MAGI1: variants seen among roughly 807,000 people sequenced by gnomAD.
MAGI1 encodes membrane-associated guanylate kinase, WW and PDZ domain-containing protein 1.
Under a neutral mutation model 139.9 loss-of-function variants are expected in MAGI1, and 58 were observed. The ratio of observed to expected loss-of-function variants is 0.41; its 90% CI spans 0.34 to 0.52. The LOEUF (loss-of-function observed/expected upper bound fraction) is 0.52, where lower values mean the gene tolerates loss of function less well. Ranked by LOEUF, MAGI1 falls within the 20% of genes least tolerant of loss-of-function variation. The probability of loss-of-function intolerance (pLI) is 0.12; values close to 1 mark genes in which losing one functional copy is unlikely to be tolerated. For synonymous variants in MAGI1, 812 were observed against 737.9 expected (o/e 1.10, Z -1.63); for missense variants, 1,874 against 1,901.6 (o/e 0.99, Z 0.27).
intron 15 of MAGI1, among the ~76,000 whole-genome samples, chr3:65,383,217 C>G (rs1396675300): frequency 6.6e-6 from 1 of 152,178 alleles, no homozygotes; most frequent in East Asian, 1.9e-4. Flanking sequence ...AAGGACCAGG[C>G]CACTGTGATA....
At chr3:65,723,380 G>C (rs1214501701) in intron 1 of MAGI1, among the ~76,000 whole-genome samples, 1 of 152,142 alleles carries the variant, frequency 6.6e-6, no homozygotes, top group African/African-American at 2.4e-5. Flanking sequence ...TATCTGGAAG[G>C]TGTTAAGAGT....
At chr3:65,409,401 G>A (rs755196730) in intron 12 of MAGI1, among the ~76,000 whole-genome samples, 1 of 152,232 alleles carries the variant, frequency 6.6e-6, no homozygotes, top group East Asian at 1.9e-4. Context: ...GCATTTAATC[G>A]TGGGGTGGGG....
intron 1 of MAGI1, among the ~76,000 whole-genome samples, chr3:65,833,909 A>G (rs779655025): frequency 1.1e-4 from 17 of 152,232 alleles, no homozygotes; most frequent in Non-Finnish European, 1.6e-4. Context: ...CAAGCTCCCC[A>G]GTGGCTTTCT....
intron 12 of MAGI1, 31 bp downstream of exon 12, chr3:65,429,489 A>G (rs1947322625): frequency 6.5e-7 from 1 of 1,547,682 alleles, no homozygotes; most frequent in Non-Finnish European, 8.7e-7. Flanking sequence ...GGATAAAAAA[A>G]AAATTCAAAG....
chr3:66,006,896 T>C (rs961683239), intron 1 of MAGI1, among the ~76,000 whole-genome samples: 4 of 152,136 alleles, frequency 2.6e-5, no homozygotes, highest in African/African-American at 9.7e-5. Context: ...AGTAGCTCAA[T>C]CATAGCTCAC....
At chr3:65,441,684 G>A (rs190080473) in intron 8 of MAGI1, among the ~76,000 whole-genome samples, 1 of 152,236 alleles carries the variant, frequency 6.6e-6, no homozygotes, top group Non-Finnish European at 1.5e-5. Flanking sequence ...GATCTTTGGG[G>A]CACACAAAAG....
intron 2 of MAGI1, among the ~76,000 whole-genome samples, chr3:65,534,160 A>C (rs1291073316): frequency 1.3e-5 from 2 of 152,166 alleles, no homozygotes; most frequent in Non-Finnish European, 2.9e-5. Flanking sequence ...GTGTTTCTAC[A>C]GCATGATCAC....
intron 7 of MAGI1, among the ~76,000 whole-genome samples, chr3:65,447,776 TC>T (rs1948766200): frequency 1.3e-5 from 2 of 152,220 alleles, no homozygotes; most frequent in Non-Finnish European, 2.9e-5. Flanking sequence ...ATTTGCTAAC[TC>T]TCGTTCTAGT....
At chr3:65,778,429 T>TAAAA in intron 1 of MAGI1, among the ~76,000 whole-genome samples, 1 of 22,144 alleles carries the variant, frequency 4.5e-5, no homozygotes, top group African/African-American at 1.9e-4. Context: ...AAACTCTGTC[T>TAAAA]CAAAAAAAAA....
At chr3:65,485,164 T>G (rs1951549970) in intron 3 of MAGI1, among the ~76,000 whole-genome samples, 1 of 152,154 alleles carries the variant, frequency 6.6e-6, no homozygotes, top group South Asian at 2.1e-4. Context: ...TCAATTACAT[T>G]TGAATTACCA....
At chr3:66,027,028 G>C (rs994391031) in intron 1 of MAGI1, among the ~76,000 whole-genome samples, 18 of 151,656 alleles carry the variant, frequency 1.2e-4, no homozygotes, top group African/African-American at 4.4e-4. Flanking sequence ...CCAGCACTTT[G>C]GGAGGCCGAG....
At chr3:65,738,874 G>A (rs879726849) in intron 1 of MAGI1, among the ~76,000 whole-genome samples, 1 of 152,162 alleles carries the variant, frequency 6.6e-6, no homozygotes, top group Non-Finnish European at 1.5e-5. Context: ...TCCATATATA[G>A]AGCACAGGCA....
At chr3:66,007,367 A>C (rs2067080635) in intron 1 of MAGI1, among the ~76,000 whole-genome samples, 1 of 152,210 alleles carries the variant, frequency 6.6e-6, no homozygotes, top group Non-Finnish European at 1.5e-5. Context: ...ATCAAGTTGT[A>C]AACAGAAGAA....
At chr3:65,722,196 T>G (rs1329663624) in intron 1 of MAGI1, among the ~76,000 whole-genome samples, 1 of 152,212 alleles carries the variant, frequency 6.6e-6, no homozygotes, top group Non-Finnish European at 1.5e-5. Flanking sequence ...ATCAGGAAAC[T>G]AAACTTAGTA....
intron 1 of MAGI1, among the ~76,000 whole-genome samples, chr3:66,036,828 G>A (rs1318957343): frequency 1.3e-5 from 2 of 152,122 alleles, no homozygotes; most frequent in African/African-American, 4.8e-5. Context: ...CTGCGTCATG[G>A]CACTTGCTTG....
chr3:65,856,828 C>G (rs2059391774), intron 1 of MAGI1, among the ~76,000 whole-genome samples: 1 of 152,202 alleles, frequency 6.6e-6, no homozygotes, highest in African/African-American at 2.4e-5. Context: ...ACTAACAGGA[C>G]CTTGCCTCTC....
intron 1 of MAGI1, among the ~76,000 whole-genome samples, chr3:65,665,432 C>A (rs1344567041): frequency 6.6e-6 from 1 of 152,170 alleles, no homozygotes; most frequent in Non-Finnish European, 1.5e-5. Context: ...ACATAGTGAA[C>A]AGCATTGCTG....
intron 1 of MAGI1, among the ~76,000 whole-genome samples, chr3:65,961,815 C>A (rs139342376): frequency 6.6e-6 from 1 of 152,332 alleles, no homozygotes; most frequent in Non-Finnish European, 1.5e-5. Flanking sequence ...CTTCCCCCAA[C>A]CTTCCTGTCA....
At chr3:65,538,967 C>A (rs2079081697) in intron 2 of MAGI1, among the ~76,000 whole-genome samples, 1 of 118,122 alleles carries the variant, frequency 8.5e-6, no homozygotes, top group African/African-American at 2.6e-5. Context: ...TACCATCAAA[C>A]AGACACATAT....
Sources: allele counts gnomAD v4.1 joint callset (sites outside exome capture counted in the v4.1 genomes callset), GRCh38; gene constraint gnomAD v4.1.1; transcripts MANE v1.5; gene names NCBI Gene and HGNC (gene_info 2026-07-23, HGNC 2026-07-21).